Variants in STON2 observed in about 807,000 individuals in gnomAD.
STON2 encodes stonin-2.
A neutral mutation model predicts 65.7 loss-of-function variants in STON2; 29 were observed. The ratio of observed to expected loss-of-function variants is 0.44; its 90% CI spans 0.33 to 0.60. STON2 has a LOEUF of 0.60. Among genes scored for constraint, STON2 ranks in the 20% least tolerant of loss-of-function variants. The probability of loss-of-function intolerance (pLI) is 0.03; values close to 1 mark genes in which losing one functional copy is unlikely to be tolerated. For missense variants in STON2, 1,054 were observed against 1,118.1 expected (o/e 0.94, Z 0.82); for synonymous variants, 404 against 414.2 (o/e 0.98, Z 0.30).
intron 4 of STON2, among the ~76,000 whole-genome samples, chr14:81,348,790 A>T (rs1897912758): frequency 6.6e-6 from 1 of 152,168 alleles, no homozygotes; most frequent in Non-Finnish European, 1.5e-5. Context: ...CAAATATCCA[A>T]AGTGATACTG....
chr14:81,383,516 C>T (rs540787219), intron 3 of STON2, among the ~76,000 whole-genome samples: 2 of 152,294 alleles, frequency 1.3e-5, no homozygotes, highest in African/African-American at 4.8e-5. Context: ...CCCCTGCATC[C>T]TTTCAACTGC....
intron 2 of STON2, among the ~76,000 whole-genome samples, chr14:81,412,357 T>C (rs1001812161): frequency 1.4e-5 from 2 of 139,730 alleles, no homozygotes; most frequent in African/African-American, 5.9e-5. Flanking sequence ...ATGAATGGGA[T>C]GGATAAGCAA....
At chr14:81,331,021 C>A (rs988741023) in intron 4 of STON2, among the ~76,000 whole-genome samples, 1 of 152,186 alleles carries the variant, frequency 6.6e-6, no homozygotes, top group Non-Finnish European at 1.5e-5. Flanking sequence ...ACCAAAGCCA[C>A]GGGGCAAAAC....
At chr14:81,421,088 G>A (rs1901682832) in intron 2 of STON2, among the ~76,000 whole-genome samples, 1 of 152,174 alleles carries the variant, frequency 6.6e-6, no homozygotes, top group African/African-American at 2.4e-5. Context: ...AATAGGTCAG[G>A]GGGCAGGGAT....
intron 6 of STON2, among the ~76,000 whole-genome samples, chr14:81,275,451 C>T (rs1289617400): frequency 6.6e-6 from 1 of 151,900 alleles, no homozygotes; most frequent in African/African-American, 2.4e-5. Flanking sequence ...TCCGGTAATT[C>T]CATGGTTGTC....
At chr14:81,399,037 C>T (rs1392528704) in intron 1 of STON2, among the ~76,000 whole-genome samples, 1 of 152,108 alleles carries the variant, frequency 6.6e-6, no homozygotes, top group Non-Finnish European at 1.5e-5. Flanking sequence ...TGGCAGAAAC[C>T]CAACAATCTC....
At chr14:81,383,898 A>C (rs4903982) in intron 3 of STON2, among the ~76,000 whole-genome samples, 37,493 of 152,040 alleles carry the variant, frequency 0.25, 6,654 homozygotes, top group African/African-American at 0.48. Flanking sequence ...AAAGTCCTCA[A>C]CATGTCTGCC....
At chr14:81,384,474 G>C (rs1899691548) in intron 3 of STON2, among the ~76,000 whole-genome samples, 1 of 151,272 alleles carries the variant, frequency 6.6e-6, no homozygotes, top group Admixed American at 6.6e-5. Flanking sequence ...GACCTCAAGT[G>C]ATCTGCCCGC....
Position 81,396,292 on chromosome 14 carries a change from G to A in STON2, c.89-114C>T, listed in dbSNP as rs1900318740. On this transcript the variant is annotated intron_variant, in intron 2 of 7. Coordinates refer to ENST00000614646, the MANE Select transcript of STON2 (RefSeq NM_001394390.1). ...GGTGCCCGCATGACTCGCCACTGCA[G>A]TGAGTGGGGAGAAGAAAGAGCCACA... 6 of 943,034 alleles carry A rather than the reference G, an allele frequency of 6.4e-6. No homozygotes were observed. In the South Asian group the frequency reaches 1.0e-4, roughly 16 times the overall value. 58.4% of individuals were successfully genotyped at this position (943,034 alleles called of 1,614,324 possible).
intron 3 of STON2, among the ~76,000 whole-genome samples, chr14:81,390,205 A>G (rs1164828176): frequency 6.6e-6 from 1 of 152,038 alleles, no homozygotes; most frequent in African/African-American, 2.4e-5. Context: ...AAAAAAAAAA[A>G]AAAGAAAAAC....
intron 6 of STON2, among the ~76,000 whole-genome samples, chr14:81,272,020 G>C (rs1019222197): frequency 1.3e-5 from 2 of 152,090 alleles, no homozygotes; most frequent in Non-Finnish European, 2.9e-5. Context: ...TCAGGAGATC[G>C]AGACCATCCT....
In STON2 at chr14:81,277,097, C is replaced by T. The variant is rs1314565711; in HGVS notation, c.2385G>A (p.Trp795Ter). 6.2e-6 allele frequency: 10 copies of T among 1,614,092 alleles called. No individual in the cohort carries two copies. The highest frequency in any genetic ancestry group is 8.5e-6 in the Non-Finnish European group (10 of 1,180,058). The change falls in exon 6 of 8, where the codon TGG becomes TGA. Residue 795 changes from tryptophan (W) to a stop codon, truncating the protein, a stop_gained. Transcript: ENST00000614646. LOFTEE classifies it high-confidence loss of function. ...VMIRYPVPSE[W>*]VKNFRRESVL... Reference sequence around the variant, plus strand: ...CACTTTCCCTGCGGAAGTTTTTCACCCACTCACTGGGCACAGGGTAACGGA... The same window carrying T: ...CACTTTCCCTGCGGAAGTTTTTCACTCACTCACTGGGCACAGGGTAACGGA...
At chr14:81,298,185 C>T (rs911113004) in intron 5 of STON2, among the ~76,000 whole-genome samples, 6 of 152,080 alleles carry the variant, frequency 3.9e-5, no homozygotes, top group African/African-American at 1.2e-4. Flanking sequence ...ATAATTCCAG[C>T]GATGAAGCCT....
intron 4 of STON2, chr14:81,333,098 A>G: frequency 7.7e-6 from 7 of 910,350 alleles, no homozygotes; most frequent in Admixed American, 1.8e-5. Context: ...CTATGTTTGG[A>G]TTCATATTTC....
intron 5 of STON2, among the ~76,000 whole-genome samples, chr14:81,318,271 C>A (rs1566906387): frequency 6.6e-6 from 1 of 152,208 alleles, no homozygotes; most frequent in East Asian, 1.9e-4. Context: ...GCAGGAGTTT[C>A]TTTCCCTTCA....
intron 3 of STON2, among the ~76,000 whole-genome samples, chr14:81,386,935 G>C (rs938328361): frequency 2.0e-5 from 3 of 152,162 alleles, no homozygotes; most frequent in African/African-American, 7.2e-5. Context: ...TAAAGATTTT[G>C]GATGATAGAT....
chr14:81,340,683 C>G (rs1897573669), intron 4 of STON2, among the ~76,000 whole-genome samples: 1 of 152,094 alleles, frequency 6.6e-6, no homozygotes, highest in Non-Finnish European at 1.5e-5. Context: ...ACTCTGAGGA[C>G]ATAGAGTAGC....
chr14:81,424,880 T>A (rs1356291083), intron 2 of STON2, among the ~76,000 whole-genome samples: 1 of 152,190 alleles, frequency 6.6e-6, no homozygotes, highest in African/African-American at 2.4e-5. Context: ...TTCTAAAGAT[T>A]TTTTCTTTCA....
Position 81,261,303 on chromosome 14 carries a change from C to G in STON2, c.*7111G>C, listed in dbSNP as rs1442425090. 6.6e-6 allele frequency: 1 copy of G among 152,314 alleles called. No homozygotes were observed. The highest frequency in any genetic ancestry group is 1.5e-5 in the Non-Finnish European group (1 of 68,174). The allele number at this position is 152,314 out of a possible 1,614,324, so 9.4% of individuals were successfully genotyped here. On this transcript the variant is annotated 3_prime_UTR_variant, in exon 8 of 8. Coordinates refer to ENST00000614646, the MANE Select transcript of STON2 (RefSeq NM_001394390.1). The stretch of plus-strand genomic sequence containing the variant: ...CATGGTGTGGGGCTAGACAGCATCC[C>G]CAACTAGAATTGAGGGTTTGATCTG...
Sources: allele counts gnomAD v4.1 joint callset (sites outside exome capture counted in the v4.1 genomes callset), GRCh38; gene constraint gnomAD v4.1.1; transcripts MANE v1.5; gene names NCBI Gene and HGNC (gene_info 2026-07-23, HGNC 2026-07-21).